NUP188: variants seen among roughly 807,000 people sequenced by gnomAD.
NUP188 encodes the protein nucleoporin 188.
In NUP188, 97 loss-of-function variants were observed where a neutral mutation model predicts 223.0. The observed-to-expected ratio is 0.43, with a 90% CI of 0.37 to 0.51. The LOEUF is 0.51. NUP188 is among the 20% of genes least tolerant of loss of function. NUP188 has a pLI of 0.00. For missense variants in NUP188, 1,947 were observed against 2,175.6 expected (o/e 0.89, Z 2.09); for synonymous variants, 869 against 828.0 (o/e 1.05, Z -0.85).
Position 129,003,358 on chromosome 9 carries a change from G to A in NUP188, c.4338G>A (p.Leu1446=). 6.2e-7 allele frequency: 1 copy of A among 1,613,048 alleles called. No homozygotes were observed. The change falls in exon 38 of 44, where the codon CTG becomes CTA. Residue 1446 remains leucine, a synonymous_variant. Coordinates refer to ENST00000372577, the MANE Select transcript of NUP188 (RefSeq NM_015354.3). ...GGACAGTGCAGAGTCTGGCCTGCCT[G>A]GAGGAGGCGGACCACACCGTGGGTT... ...AVRTVQSLAC[L]EEADHTVGFI...
intron 25 of NUP188, among the ~76,000 whole-genome samples, chr9:128,990,644 C>T (rs966392012): frequency 6.6e-6 from 1 of 152,202 alleles, no homozygotes; most frequent in African/African-American, 2.4e-5. Context: ...GCGGGTGTAT[C>T]ACAGAGTCAG....
chr9:128,963,839 C>T (rs991167636), intron 8 of NUP188, among the ~76,000 whole-genome samples: 3 of 150,012 alleles, frequency 2.0e-5, no homozygotes, highest in African/African-American at 4.9e-5. Context: ...ATTTTTGAGA[C>T]GGAGTCTCAC....
intron 1 of NUP188, chr9:128,948,007 C>T (rs1841713935): frequency 5.3e-6 from 2 of 377,926 alleles, no homozygotes; most frequent in East Asian, 3.8e-5. Flanking sequence ...TCACCCAGGG[C>T]CCTTTGCCTT....
chr9:128,964,223 C>A, intron 8 of NUP188: 1 of 359,378 alleles, frequency 2.8e-6, no homozygotes, highest in Non-Finnish European at 5.4e-6. Context: ...ACATTTTTAT[C>A]CCATTGTTTT....
intron 3 of NUP188, among the ~76,000 whole-genome samples, chr9:128,955,185 A>T (rs1841852129): frequency 6.6e-6 from 1 of 151,896 alleles, no homozygotes; most frequent in Middle Eastern, 3.4e-3. Context: ...AGCAGAGAGT[A>T]CATGCTGTCC....
intron 24 of NUP188, among the ~76,000 whole-genome samples, chr9:128,988,764 T>C (rs987727334): frequency 2.2e-4 from 33 of 147,960 alleles, no homozygotes; most frequent in African/African-American, 7.2e-4. Flanking sequence ...TCTAGCTCTG[T>C]TGCCCAGGCT....
chr9:128,977,930 A>G (rs1008861784), intron 12 of NUP188, among the ~76,000 whole-genome samples: 3 of 152,222 alleles, frequency 2.0e-5, no homozygotes, highest in Non-Finnish European at 4.4e-5. Flanking sequence ...ATCCTTATTT[A>G]TAATCCTTAC....
chr9:129,006,919 C>A lies in NUP188; in HGVS notation c.*241C>A. ...CAGGTCCTCACGCTGCAGACGCCCC[C>A]TAGAGGAACTTTCCTTCCTTTCCAG... On this transcript the variant is annotated 3_prime_UTR_variant, in exon 44 of 44. Coordinates refer to ENST00000372577, the MANE Select transcript of NUP188 (RefSeq NM_015354.3). 1 of 410,812 alleles carries A rather than the reference C, an allele frequency of 2.4e-6. No individual in the cohort carries two copies. Among genetic ancestry groups the A allele is most frequent in the East Asian group, 3.8e-5 (1 of 26,310 alleles). The allele number at this position is 410,812 out of a possible 1,614,324, so 25.4% of individuals were successfully genotyped here.
intron 12 of NUP188, among the ~76,000 whole-genome samples, chr9:128,974,395 T>G (rs1293414450): frequency 2.0e-5 from 3 of 149,792 alleles, no homozygotes; most frequent in Non-Finnish European, 4.5e-5. Context: ...TGTTGTTTTT[T>G]TTTTTTTTTT....
chr9:128,990,043 C>CT, intron 24 of NUP188, 77 bp from the exon 25 acceptor site: 1 of 1,141,130 alleles, frequency 8.8e-7, no homozygotes, highest in Non-Finnish European at 1.3e-6. Flanking sequence ...CACTGTGGGT[C>CT]TTTTTTGAAC....
chr9:129,003,562 G>A, intron 38 of NUP188, 108 bp downstream of exon 38: 1 of 1,334,884 alleles, frequency 7.5e-7, no homozygotes, highest in African/African-American at 1.4e-5. Flanking sequence ...TTCCTGAACG[G>A]GGGCTTTTCC....
At chr9:128,954,245 C>G (rs374432204) in intron 3 of NUP188, among the ~76,000 whole-genome samples, 1 of 151,136 alleles carries the variant, frequency 6.6e-6, no homozygotes, top group Admixed American at 6.6e-5. Context: ...GATGGAGTCT[C>G]GCTTTGTGGC....
At chr9:128,974,782 T>G (rs543373211) in intron 12 of NUP188, among the ~76,000 whole-genome samples, 2 of 152,038 alleles carry the variant, frequency 1.3e-5, no homozygotes, top group African/African-American at 4.8e-5. Flanking sequence ...TCTTTTTTTT[T>G]TTTTTTGGAG....
At chr9:128,947,781 GCT>G in intron 1 of NUP188, 30 bp downstream of exon 1, 1 of 1,390,016 alleles carries the variant, frequency 7.2e-7, no homozygotes. Context: ...GACCGGGGTG[GCT>G]GTGAAGCGCG....
At chr9:128,985,916 G>A (rs1263583366) in intron 20 of NUP188, among the ~76,000 whole-genome samples, 3 of 152,116 alleles carry the variant, frequency 2.0e-5, no homozygotes, top group East Asian at 1.9e-4. Context: ...GTGGACGCCT[G>A]TAATCCCAGC....
At chr9:128,958,751 G>C (rs1564550833) in intron 6 of NUP188, 51 bp from the exon 7 acceptor site, 2 of 999,744 alleles carry the variant, frequency 2.0e-6, no homozygotes, top group Non-Finnish European at 2.9e-6. Flanking sequence ...TTAAACTTGA[G>C]TTTCCTATGT....
chr9:128,998,552 C>T lies in NUP188; in HGVS notation c.3444C>T (p.Ala1148=), dbSNP rs1455367125. The T allele has an allele frequency of 1.2e-6, 2 of 1,614,102 alleles. No homozygotes were observed. The highest frequency in any genetic ancestry group is 1.3e-5 in the African/African-American group (1 of 75,050). Residue 1148 remains alanine, a synonymous_variant, in exon 32 of 44, where the codon GCC becomes GCT. Coordinates refer to ENST00000372577, the MANE Select transcript of NUP188 (RefSeq NM_015354.3). ...TCTCCTTTCAGCTCCTAGTTCCAGC[C>T]TCAGTGAACTGCCTTCGCCTTGGCT... is the stretch of plus-strand genomic sequence containing the variant. The part of the protein sequence containing the change: ...DGTKALLLVP[A]SVNCLRLGSM...
At chr9:128,956,180 T>TGG (rs1025271712) in intron 3 of NUP188, among the ~76,000 whole-genome samples, 170 bp from the exon 4 acceptor site, 8 of 117,746 alleles carry the variant, frequency 6.8e-5, no homozygotes, top group South Asian at 2.8e-4. Context: ...TAGAGGTGAA[T>TGG]GGGTGTGTGT....
chr9:129,005,514 A>G lies in NUP188; in HGVS notation c.4721A>G (p.Gln1574Arg). Reference protein sequence around the residue: ...ALRHFTPDVCQILLDQSLDLA... With the variant: ...ALRHFTPDVCRILLDQSLDLA... ...CGCCACTTCACCCCAGATGTCTGCC[A>G]GATTCTGCTGGATCAGGTACTGCCC... is the stretch of plus-strand genomic sequence containing the variant. The change falls in exon 40 of 44, where the codon CAG becomes CGG. Residue 1574 changes from glutamine to arginine, a missense_variant. Gln to Arg is a conservative substitution (Grantham distance 43). This residue lies in a region of NUP188 where 905 missense variants were observed against 990.6 expected (regional missense o/e 0.91). Transcript: ENST00000372577. 1 of 1,607,212 alleles carries G rather than the reference A, an allele frequency of 6.2e-7. No homozygotes were observed. Among genetic ancestry groups the G allele is most frequent in the South Asian group, 1.1e-5 (1 of 91,086 alleles).
Sources: allele counts gnomAD v4.1 joint callset (sites outside exome capture counted in the v4.1 genomes callset), GRCh38; gene constraint gnomAD v4.1.1; regional missense constraint gnomAD v4.1.1; transcripts MANE v1.5; gene names NCBI Gene and HGNC (gene_info 2026-07-23, HGNC 2026-07-21).